MYH14: variants seen among roughly 807,000 people sequenced by gnomAD.
MYH14 encodes the protein myosin-14.
A neutral mutation model predicts 255.5 loss-of-function variants in MYH14; 123 were observed. The observed-to-expected ratio is 0.48, with a 90% CI of 0.42 to 0.56. The LOEUF is 0.56. MYH14 is among the 20% of genes least tolerant of loss of function. The pLI is 0.00. For synonymous variants in MYH14, 1,095 were observed against 1,161.2 expected, an observed-to-expected ratio of 0.94 and a Z score of 1.16; for missense variants, 2,423 against 2,802.3, an observed-to-expected ratio of 0.86 and a Z score of 3.06.
rs2035698230 is a variant in MYH14, at chr19:50,280,965, G to A, written c.4290+582G>A. Among the ~76,000 whole-genome samples, 1 of 152,078 alleles carries A rather than the reference G, an allele frequency of 6.6e-6. No individual in the cohort carries two copies. The highest frequency in any genetic ancestry group is 6.6e-5 in the Admixed American group (1 of 15,258). On this transcript the variant is annotated intron_variant, in intron 32 of 42. Coordinates refer to ENST00000642316, the MANE Select transcript of MYH14 (RefSeq NM_001145809.2). This position sits in a 1 kb window ranked among gnomAD's most constrained non-coding sequence, Gnocchi z 4.8. The stretch of plus-strand genomic sequence containing the variant: ...CTGACCCGTCTTCTCTTTCTCCTCT[G>A]TCCCAACTCCAGTCACCTTGGGCTG...
intron 5 of MYH14, 106 bp downstream of exon 5, chr19:50,223,455 C>T (rs1807536605): frequency 1.2e-6 from 1 of 829,668 alleles, no homozygotes; most frequent in African/African-American, 1.7e-5. Flanking sequence ...GGTCCTTCTC[C>T]TAGACGCCTA....
At chr19:50,270,702 ATT>A (rs11366653) in intron 24 of MYH14, among the ~76,000 whole-genome samples, 10 of 146,820 alleles carry the variant, frequency 6.8e-5, no homozygotes, top group African/African-American at 7.6e-5. Flanking sequence ...TTATTTATTT[ATT>A]TTTTTTTTGA....
At chr19:50,225,007 G>A (rs956434032) in intron 6 of MYH14, among the ~76,000 whole-genome samples, 13 of 152,182 alleles carry the variant, frequency 8.5e-5, no homozygotes, top group Non-Finnish European at 4.4e-5. Context: ...TCAGGAGGCT[G>A]AGGTGAGAGG....
intron 27 of MYH14, among the ~76,000 whole-genome samples, chr19:50,274,479 G>T (rs1394309738): frequency 1.3e-5 from 2 of 152,186 alleles, no homozygotes; most frequent in Non-Finnish European, 2.9e-5. Flanking sequence ...ATTTTTAGCA[G>T]AGACGGGGTT....
chr19:50,299,038 C>T (rs7254963), intron 39 of MYH14, among the ~76,000 whole-genome samples: 99,938 of 151,810 alleles, frequency 0.66, 35,534 homozygotes, highest in East Asian at 0.99. Context: ...CTGCAGTGAG[C>T]TATGATTGTG....
chr19:50,277,861 G>A (rs1442558669), intron 29 of MYH14, among the ~76,000 whole-genome samples: 1 of 151,810 alleles, frequency 6.6e-6, no homozygotes, highest in Non-Finnish European at 1.5e-5. Context: ...AGGTTGCAGT[G>A]AGCAGAGATC....
chr19:50,278,752 A>G (rs932432725), intron 30 of MYH14, among the ~76,000 whole-genome samples: 6 of 151,298 alleles, frequency 4.0e-5, no homozygotes, highest in Middle Eastern at 3.2e-3. Flanking sequence ...AGGCGGGCAG[A>G]TCACCTGAAG....
chr19:50,282,456 C>A lies in MYH14; in HGVS notation c.4539+614C>A, dbSNP rs747375243. Among the ~76,000 whole-genome samples, 54 of 152,208 alleles carry A rather than the reference C, an allele frequency of 3.5e-4. 2 individuals carry two copies. Among genetic ancestry groups the A allele is most frequent in the Non-Finnish European group, 1.0e-4 (7 of 68,034 alleles). On this transcript the variant is annotated intron_variant, in intron 33 of 42. Transcript: ENST00000642316. ...GTGGCTCATGCCTGTAATCCCAGCA[C>A]TTTGGGAGGCCAAGGCGGGCGGATT...
chr19:50,247,192 T>A, intron 12 of MYH14, 70 bp downstream of exon 12: 1 of 1,087,538 alleles, frequency 9.2e-7, no homozygotes, highest in Non-Finnish European at 1.4e-6. Flanking sequence ...TTAAACAGTG[T>A]ATGCTGTTTT....
In MYH14 at chr19:50,276,088, C is replaced by T. The variant is rs374305829; in HGVS notation, c.3565C>T (p.Arg1189Cys). The change falls in exon 28 of 43, where the codon CGT becomes TGT. Residue 1189 changes from arginine (R) to cysteine (C), a missense_variant. By Grantham distance (180) the Arg-to-Cys change is radical. Around this residue, in one of 3 missense-constraint regions of MYH14, gnomAD observed 1,513 missense variants for 1,674.8 expected, o/e 0.90. Transcript: ENST00000642316. This position sits in a 1 kb window ranked among gnomAD's most constrained non-coding sequence, Gnocchi z 4.3. Reference sequence around the variant, plus strand: ...GGCCCAGGAGGACCTGGAGTCTGAGCGTGTGGCCAGGACCAAGGCGGAGAA... The same window carrying T: ...GGCCCAGGAGGACCTGGAGTCTGAGTGTGTGGCCAGGACCAAGGCGGAGAA... ...AEAQEDLESE[R>C]VARTKAEKQR... The T allele has an allele frequency of 1.4e-5, 23 of 1,610,226 alleles. No homozygotes were observed. Among genetic ancestry groups the T allele is most frequent in the Non-Finnish European group, 1.9e-5 (22 of 1,178,814 alleles).
chr19:50,205,393 C>G (rs1437794466), intron 1 of MYH14: 2 of 152,778 alleles, frequency 1.3e-5, no homozygotes, highest in Non-Finnish European at 2.9e-5. Context: ...AGGCCCGCCC[C>G]GTTCCCAGCC....
At chr19:50,298,714 G>A (rs910466180) in intron 39 of MYH14, among the ~76,000 whole-genome samples, 2 of 150,284 alleles carry the variant, frequency 1.3e-5, no homozygotes. Flanking sequence ...TCGAGCCACT[G>A]CACTCCAGCC....
At position 50,250,471 on chromosome 19, in the gene MYH14, T is replaced by C. The variant is rs2123309248; in HGVS notation, c.1657-44T>C. ...AATCAGCAGCCACCTGAGTGTCCAA[T>C]ATGTGGGGATCTGACTTACTCTCCC... is the stretch of plus-strand genomic sequence containing the variant. On this transcript the variant is annotated intron_variant, in intron 14 of 42. Transcript: ENST00000642316. The surrounding 1 kb of genome is among the most constrained non-coding windows in gnomAD (Gnocchi z 5.4). The C allele has an allele frequency of 3.2e-6, 5 of 1,581,256 alleles. No homozygotes were observed. The highest frequency in any genetic ancestry group is 4.3e-6 in the Non-Finnish European group (5 of 1,158,686).
Position 50,310,151 on chromosome 19 carries a change from G to C in MYH14, c.*361G>C. 1 of 312,516 alleles carries C rather than the reference G, an allele frequency of 3.2e-6. No homozygotes were observed. Among genetic ancestry groups the C allele is most frequent in the South Asian group, 3.7e-5 (1 of 26,872 alleles). 19.4% of individuals were successfully genotyped at this position (312,516 alleles called of 1,614,324 possible). A position where few individuals can be genotyped will look rare whatever the true frequency, so the allele number is the denominator to read the frequency against. ...ACGGCTCCTCCACCATCCTCAGCCA[G>C]TGCAACCCATTCCCTCTGCTTCTCT... is the stretch of plus-strand genomic sequence containing the variant. On this transcript the variant is annotated 3_prime_UTR_variant, in exon 43 of 43. Coordinates refer to ENST00000642316, the MANE Select transcript of MYH14 (RefSeq NM_001145809.2).
rs1005063786 is a variant in MYH14, at chr19:50,288,886, A to T, written c.4753-550A>T. Among the ~76,000 whole-genome samples the T allele has an allele frequency of 3.9e-5, 6 of 152,136 alleles. No homozygotes were observed. In the East Asian group the frequency reaches 1.2e-3, roughly 29 times the overall value. On this transcript the variant is annotated intron_variant, in intron 34 of 42. Coordinates refer to ENST00000642316, the MANE Select transcript of MYH14 (RefSeq NM_001145809.2). Reference sequence around the variant, plus strand: ...AGGGGTGAAGGGGGAGTCTCTGAAAATTCATAAGCCCAGCTCTATTTTCAC... The same window carrying T: ...AGGGGTGAAGGGGGAGTCTCTGAAATTTCATAAGCCCAGCTCTATTTTCAC...
At chr19:50,291,159 G>T in intron 36 of MYH14, 111 bp downstream of exon 36, 4 of 1,001,376 alleles carry the variant, frequency 4.0e-6, no homozygotes, top group Non-Finnish European at 5.7e-6. Flanking sequence ...CCCACAGGCA[G>T]CATCCGCATG....
chr19:50,255,385 G>A (rs2034557119), intron 17 of MYH14, 67 bp downstream of exon 17: 3 of 1,273,386 alleles, frequency 2.4e-6, no homozygotes, highest in Non-Finnish European at 3.3e-6. Context: ...TTGGGCTGGG[G>A]ACCTGGTTTT....
intron 20 of MYH14, 93 bp downstream of exon 20, chr19:50,260,808 T>A (rs1176086010): frequency 1.1e-6 from 1 of 900,852 alleles, no homozygotes; most frequent in Non-Finnish European, 1.7e-6. Flanking sequence ...TATGTGTGCA[T>A]GCGTGTGTGT....
rs2032155179 is a variant in MYH14 at position 50,210,810 on chromosome 19, GCT to G, written c.405+41_405+42del. ...GCTGGGGGGCGCGTGCGGCGGAGTT[GCT>G]GCCGGTTGGGGAACCAGGTCCACCA... is the stretch of plus-strand genomic sequence containing the variant. On this transcript the variant is annotated intron_variant, in intron 2 of 42. Transcript: ENST00000642316. 3.3e-6 allele frequency: 5 copies of G among 1,528,144 alleles called. No individual in the cohort carries two copies. The African/African-American group carries it at 4.2e-5, about 13-fold the overall frequency. 94.7% of individuals were successfully genotyped at this position (1,528,144 alleles called of 1,614,324 possible). A position where few individuals can be genotyped will look rare whatever the true frequency, so the allele number is the denominator to read the frequency against.
Sources: allele counts gnomAD v4.1 joint callset (sites outside exome capture counted in the v4.1 genomes callset), GRCh38; gene constraint gnomAD v4.1.1; regional missense constraint gnomAD v4.1.1; non-coding constraint Gnocchi (gnomAD v3.1); transcripts MANE v1.5; gene names NCBI Gene and HGNC (gene_info 2026-07-23, HGNC 2026-07-21).